The following UNC13C variants were observed in gnomAD, a reference collection of about 807,000 sequenced individuals.
The protein encoded by UNC13C is unc-13 homolog C.
A neutral mutation model predicts 245.4 loss-of-function variants in UNC13C; 174 were observed. The ratio of observed to expected loss-of-function variants is 0.71; its 90% CI spans 0.63 to 0.80. UNC13C has a LOEUF of 0.80. UNC13C is among the 30% of genes least tolerant of loss of function. The pLI, the probability that UNC13C is intolerant of heterozygous loss-of-function variation, is 0.00. For synonymous variants in UNC13C, 992 were observed against 895.1 expected (o/e 1.11, Z -1.93); for missense variants, 2,829 against 2,602.9 (o/e 1.09, Z -1.89).
chr15:54,416,001 A>G (rs1596344698), intron 19 of UNC13C, among the ~76,000 whole-genome samples: 1 of 152,318 alleles, frequency 6.6e-6, no homozygotes, highest in Non-Finnish European at 1.5e-5. Flanking sequence ...GAGCACTAGC[A>G]ATTAGAGAAA....
Position 54,154,514 on chromosome 15 carries a change from A to T in UNC13C, c.3071+10830A>T, listed in dbSNP as rs184618873. 3.2e-4 allele frequency among the ~76,000 whole-genome samples: 49 copies of T among 152,336 alleles called. No homozygotes were observed. In the East Asian group the frequency reaches 8.7e-3, roughly 27 times the overall value. On this transcript the variant is annotated intron_variant, in intron 4 of 32. Coordinates refer to ENST00000260323, the MANE Select transcript of UNC13C (RefSeq NM_001080534.3). ...TGGAGTATAAATCGTATATTAACCA[A>T]GATAACCTAGGTTATGATACAGTAA... is the stretch of plus-strand genomic sequence containing the variant.
chr15:53,944,938 T>C, the UNC13C span, among the ~76,000 whole-genome samples: 1 of 152,216 alleles, frequency 6.6e-6, no homozygotes, highest in Non-Finnish European at 1.5e-5. Flanking sequence ...TATTTTTTAC[T>C]TTTTAATAAT....
chr15:53,862,117 C>T, the UNC13C span, among the ~76,000 whole-genome samples: 1 of 152,116 alleles, frequency 6.6e-6, no homozygotes, highest in Non-Finnish European at 1.5e-5. Flanking sequence ...AGAGTGGCAG[C>T]ATGATCGAAT....
chr15:53,980,602 T>C (rs949069857), intron 1 of UNC13C, among the ~76,000 whole-genome samples: 7 of 152,320 alleles, frequency 4.6e-5, no homozygotes, highest in Non-Finnish European at 7.4e-5. Context: ...GTAATTTCAG[T>C]AGAATTGCCA....
intron 22 of UNC13C, among the ~76,000 whole-genome samples, chr15:54,504,910 G>C (rs1403216711): frequency 3.3e-5 from 5 of 152,060 alleles, no homozygotes; most frequent in African/African-American, 9.7e-5. Context: ...GTAATTGATG[G>C]CCGTCCCACT....
chr15:53,875,362 G>A, the UNC13C span, among the ~76,000 whole-genome samples: 3 of 152,140 alleles, frequency 2.0e-5, no homozygotes, highest in African/African-American at 7.2e-5. Context: ...GTTATAATCT[G>A]AATGTTGTTG....
intron 30 of UNC13C, among the ~76,000 whole-genome samples, chr15:54,596,841 G>A (rs1243718695): frequency 1.3e-5 from 2 of 152,120 alleles, no homozygotes; most frequent in African/African-American, 2.4e-5. Flanking sequence ...CTTCTACCAT[G>A]AATAAAAACT....
At chr15:54,278,348 G>A (rs771808535) in intron 10 of UNC13C, among the ~76,000 whole-genome samples, 30 of 152,094 alleles carry the variant, frequency 2.0e-4, no homozygotes, top group Admixed American at 5.2e-4. Context: ...ATTCTCATGT[G>A]AGCTTGAAAG....
intron 18 of UNC13C, among the ~76,000 whole-genome samples, chr15:54,400,173 A>G (rs191212187): frequency 6.6e-5 from 10 of 152,120 alleles, no homozygotes; most frequent in Admixed American, 6.5e-4. Flanking sequence ...TTTCTTTTGT[A>G]CATCACAACT....
At chr15:54,320,367 C>T (rs926754775) in intron 13 of UNC13C, among the ~76,000 whole-genome samples, 2 of 151,946 alleles carry the variant, frequency 1.3e-5, no homozygotes, top group African/African-American at 4.8e-5. Context: ...TGAGTTTACA[C>T]ATCTTTGTGG....
intron 4 of UNC13C, among the ~76,000 whole-genome samples, chr15:54,225,780 C>A (rs1238541544): frequency 1.3e-5 from 2 of 152,086 alleles, no homozygotes; most frequent in Non-Finnish European, 2.9e-5. Flanking sequence ...TCTTGTCTTC[C>A]CATTTGAATA....
At chr15:53,997,764 A>G (rs564662263) in intron 1 of UNC13C, among the ~76,000 whole-genome samples, 70 of 152,194 alleles carry the variant, frequency 4.6e-4, no homozygotes, top group African/African-American at 1.7e-3. Context: ...TTTTGAAATT[A>G]GGTAGTGTTA....
chr15:54,269,752 A>G (rs745496798), intron 10 of UNC13C, among the ~76,000 whole-genome samples: 7 of 152,104 alleles, frequency 4.6e-5, no homozygotes, highest in Non-Finnish European at 8.8e-5. Flanking sequence ...AATTATCTGT[A>G]TTATTATTGG....
At chr15:54,237,921 C>A (rs1481133458) in intron 7 of UNC13C, among the ~76,000 whole-genome samples, 1 of 152,112 alleles carries the variant, frequency 6.6e-6, no homozygotes, top group Non-Finnish European at 1.5e-5. Context: ...CTGTTCAATT[C>A]TAACATAGCT....
At chr15:54,331,664 A>G (rs1400149234) in intron 14 of UNC13C, among the ~76,000 whole-genome samples, 2 of 152,154 alleles carry the variant, frequency 1.3e-5, no homozygotes, top group African/African-American at 4.8e-5. Context: ...AGGAATAAAA[A>G]GAAGAATGGG....
intron 7 of UNC13C, among the ~76,000 whole-genome samples, chr15:54,247,257 C>G (rs967115645): frequency 3.3e-5 from 5 of 152,030 alleles, no homozygotes; most frequent in African/African-American, 1.2e-4. Context: ...CCTTATTTTC[C>G]CCTGCCATGC....
chr15:54,351,794 A>G (rs1359257352), intron 17 of UNC13C, among the ~76,000 whole-genome samples: 2 of 152,132 alleles, frequency 1.3e-5, no homozygotes, highest in African/African-American at 4.8e-5. Context: ...ATGTGAATCA[A>G]AACCATAAGA....
chr15:54,544,093 T>TA (rs1044774178), intron 26 of UNC13C, among the ~76,000 whole-genome samples: 1 of 152,082 alleles, frequency 6.6e-6, no homozygotes, highest in Non-Finnish European at 1.5e-5. Context: ...AAAGCTTATC[T>TA]ACCATGATCA....
intron 17 of UNC13C, among the ~76,000 whole-genome samples, chr15:54,384,427 A>G (rs531539106): frequency 6.6e-6 from 1 of 152,248 alleles, no homozygotes; most frequent in Non-Finnish European, 1.5e-5. Context: ...TCTCTTCATT[A>G]AATGATGCTG....
Sources: allele counts gnomAD v4.1 joint callset (sites outside exome capture counted in the v4.1 genomes callset), GRCh38; gene constraint gnomAD v4.1.1; transcripts MANE v1.5; gene names NCBI Gene and HGNC (gene_info 2026-07-23, HGNC 2026-07-21).